Variants in KIAA1217 observed in about 807,000 individuals in gnomAD.
KIAA1217 encodes sickle tail protein homolog.
KIAA1217 carries 88 observed loss-of-function variants against 163.9 expected under a neutral mutation model. The ratio of observed to expected loss-of-function variants is 0.54; its 90% CI spans 0.45 to 0.64. The LOEUF is 0.64. Among genes scored for constraint, KIAA1217 ranks in the 30% least tolerant of loss-of-function variants. The pLI, the probability that KIAA1217 is intolerant of heterozygous loss-of-function variation, is 0.00. For missense variants in KIAA1217, 2,372 were observed against 2,475.0 expected (o/e 0.96, Z 0.88); for synonymous variants, 903 against 923.1 (o/e 0.98, Z 0.39).
intron 2 of KIAA1217, among the ~76,000 whole-genome samples, chr10:24,299,411 G>T (rs1276887577): frequency 6.6e-6 from 1 of 152,038 alleles, no homozygotes; most frequent in East Asian, 1.9e-4. Flanking sequence ...TGATATGTGA[G>T]TTTTTTCCTT....
chr10:23,783,974 G>A (rs910129231), intron 1 of KIAA1217, among the ~76,000 whole-genome samples: 3 of 150,858 alleles, frequency 2.0e-5, no homozygotes, highest in South Asian at 2.1e-4. Flanking sequence ...AGGTTTTGTC[G>A]ATTTTATTTA....
rs143238727 is a variant in KIAA1217, at chr10:23,931,411, T to C, written c.-320-75814T>C. Among the ~76,000 whole-genome samples the C allele has an allele frequency of 9.8e-5, 15 of 152,318 alleles. No individual in the cohort carries two copies. In the East Asian group the frequency reaches 2.9e-3, roughly 29 times the overall value. On this transcript the variant is annotated intron_variant, in intron 1 of 18. Transcript: ENST00000376462. ...CTTGCCCTTCACCCCTGTACCTAAATTGACCTGGAGAAAGAAGAGTCACTG... is the reference window on the plus strand; with the variant it reads ...CTTGCCCTTCACCCCTGTACCTAAACTGACCTGGAGAAAGAAGAGTCACTG...
At chr10:24,033,552 C>G (rs913007820) in intron 2 of KIAA1217, among the ~76,000 whole-genome samples, 3 of 152,148 alleles carry the variant, frequency 2.0e-5, no homozygotes, top group African/African-American at 7.2e-5. Context: ...TACCTCAAGT[C>G]CCTCAATGTG....
At chr10:24,050,271 T>C (rs565149952) in intron 2 of KIAA1217, among the ~76,000 whole-genome samples, 1 of 152,336 alleles carries the variant, frequency 6.6e-6, no homozygotes, top group South Asian at 2.1e-4. Flanking sequence ...TTCACTCTGA[T>C]GATAGTTTCT....
At position 24,165,335 on chromosome 10, in the gene KIAA1217, C is replaced by A. The variant is rs77179537; in HGVS notation, c.-170-54291C>A. Among the ~76,000 whole-genome samples the A allele has an allele frequency of 9.9e-3, 1,505 of 152,300 alleles. 18 individuals carry two copies. Among genetic ancestry groups the A allele is most frequent in the Non-Finnish European group, 0.014 (946 of 68,034 alleles). On this transcript the variant is annotated intron_variant, in intron 2 of 18. Coordinates refer to the KIAA1217 transcript ENST00000376462. ...CTGACCTCTCACCTCCAGGAACTGTCCGCACCCTGGTCTGGCACCCAAGAT... is the reference window on the plus strand; with the variant it reads ...CTGACCTCTCACCTCCAGGAACTGTACGCACCCTGGTCTGGCACCCAAGAT...
At chr10:24,126,474 TC>T (rs760519373) in intron 2 of KIAA1217, among the ~76,000 whole-genome samples, 5 of 152,174 alleles carry the variant, frequency 3.3e-5, no homozygotes, top group Non-Finnish European at 7.4e-5. Flanking sequence ...GGGTCCAAAG[TC>T]CCATATTTAT....
At chr10:24,186,570 G>A (rs2066438490) in intron 2 of KIAA1217, among the ~76,000 whole-genome samples, 1 of 152,112 alleles carries the variant, frequency 6.6e-6, no homozygotes, top group African/African-American at 2.4e-5. Flanking sequence ...CTTAGAAGGG[G>A]GATCTTTGTT....
intron 1 of KIAA1217, among the ~76,000 whole-genome samples, chr10:23,900,490 C>T (rs1480556162): frequency 1.3e-5 from 2 of 152,002 alleles, no homozygotes; most frequent in Non-Finnish European, 2.9e-5. Flanking sequence ...AAAAATTGTT[C>T]CTGTATCACA....
intron 1 of KIAA1217, among the ~76,000 whole-genome samples, chr10:23,704,307 C>A (rs1836737370): frequency 6.8e-6 from 1 of 146,096 alleles, no homozygotes; most frequent in Non-Finnish European, 1.5e-5. Flanking sequence ...AGATATAATT[C>A]TTATAGTGTA....
At chr10:24,133,070 G>GAA (rs554008655) in intron 2 of KIAA1217, among the ~76,000 whole-genome samples, 1 of 138,276 alleles carries the variant, frequency 7.2e-6, no homozygotes, top group Admixed American at 7.3e-5. Flanking sequence ...GCCACTGAGA[G>GAA]AAAAAAAAAA....
At chr10:24,080,218 T>G (rs2061495277) in intron 2 of KIAA1217, among the ~76,000 whole-genome samples, 1 of 152,188 alleles carries the variant, frequency 6.6e-6, no homozygotes. Flanking sequence ...TGGTGAGGGA[T>G]GAAATCAGGT....
rs2134498212 is a variant in KIAA1217, at chr10:24,520,113, G to C, written c.2178-10G>C. 6.2e-7 allele frequency: 1 copy of C among 1,613,278 alleles called. No individual in the cohort carries two copies. Among genetic ancestry groups the C allele is most frequent in the East Asian group, 2.2e-5 (1 of 44,868 alleles). ...TTCAGCTCTATGTGCTGGTGTCCTT[G>C]CTCCCGCAGCGAGTTGGAAGACTTT... On this transcript the variant is annotated splice_polypyrimidine_tract_variant and intron_variant, in intron 10 of 20. Transcript: ENST00000376454.
chr10:23,790,416 T>TATATACATATATAC (rs1402267584), intron 1 of KIAA1217, among the ~76,000 whole-genome samples: 1 of 79,944 alleles, frequency 1.3e-5, no homozygotes, highest in African/African-American at 4.3e-5. Context: ...TACATATACA[T>TATATACATATATAC]ATATACATAT....
chr10:24,081,440 G>A (rs2061535661), intron 2 of KIAA1217, among the ~76,000 whole-genome samples: 4 of 152,314 alleles, frequency 2.6e-5, no homozygotes, highest in Non-Finnish European at 4.4e-5. Context: ...CAGTTGACCT[G>A]ACCCTGGGAT....
chr10:24,033,611 A>T (rs1001862477), intron 2 of KIAA1217, among the ~76,000 whole-genome samples: 5 of 152,244 alleles, frequency 3.3e-5, no homozygotes, highest in Non-Finnish European at 7.3e-5. Flanking sequence ...AATTATTCAC[A>T]TCTAGGTTTG....
intron 1 of KIAA1217, among the ~76,000 whole-genome samples, chr10:23,987,013 G>C (rs60741485): frequency 6.6e-6 from 1 of 152,078 alleles, no homozygotes; most frequent in Non-Finnish European, 1.5e-5. Context: ...AGTTCTTTGC[G>C]TTGCCCATTC....
chr10:24,161,823 A>G (rs566570157), intron 2 of KIAA1217, among the ~76,000 whole-genome samples: 1 of 152,330 alleles, frequency 6.6e-6, no homozygotes, highest in African/African-American at 2.4e-5. Flanking sequence ...AAGGACACCC[A>G]TAGAGACAAG....
chr10:23,698,680 A>G (rs555735797), intron 1 of KIAA1217, among the ~76,000 whole-genome samples: 1 of 152,340 alleles, frequency 6.6e-6, no homozygotes, highest in African/African-American at 2.4e-5. Context: ...TCCCAGGATC[A>G]CACTCAAATG....
At chr10:23,910,471 G>A (rs1842387724) in intron 1 of KIAA1217, among the ~76,000 whole-genome samples, 1 of 152,082 alleles carries the variant, frequency 6.6e-6, no homozygotes, top group Non-Finnish European at 1.5e-5. Flanking sequence ...TGTGTACAAC[G>A]GGTCCAGCTG....
Sources: gnomAD v4.1 joint callset for allele counts (sites outside exome capture counted in the v4.1 genomes callset) on GRCh38, gnomAD v4.1.1 for gene constraint, MANE v1.5 for transcripts, NCBI Gene and HGNC (gene_info 2026-07-23, HGNC 2026-07-21) for gene names.